VPS54: variants seen among roughly 807,000 people sequenced by gnomAD.
VPS54 encodes vacuolar protein sorting-associated protein 54.
A neutral mutation model predicts 121.5 loss-of-function variants in VPS54; 45 were observed. The ratio of observed to expected loss-of-function variants is 0.37; its 90% CI spans 0.29 to 0.47. The LOEUF (loss-of-function observed/expected upper bound fraction) is 0.47. Among genes scored for constraint, VPS54 ranks in the 20% least tolerant of loss-of-function variants. VPS54 has a pLI of 0.99. For missense variants in VPS54, 1,090 were observed against 1,131.4 expected (o/e 0.96, Z 0.52); for synonymous variants, 371 against 385.8 (o/e 0.96, Z 0.45).
rs909970565 is a variant in VPS54 at position 63,956,413 on chromosome 2, G to C, written c.1010+5645C>G. ...AAACAAAACAAAAAAAGGCTTACAA[G>C]TAGAAAACAAGCTAGCTGCAGTAAT... On this transcript the variant is annotated intron_variant, in intron 7 of 22. Coordinates refer to ENST00000272322, the MANE Select transcript of VPS54 (RefSeq NM_016516.3). 2.0e-5 allele frequency among the ~76,000 whole-genome samples: 3 copies of C among 152,234 alleles called. No individual in the cohort carries two copies. The South Asian group carries it at 6.2e-4, about 32-fold the overall frequency.
At chr2:63,993,582 G>A (rs1013912023) in intron 1 of VPS54, among the ~76,000 whole-genome samples, 1 of 152,174 alleles carries the variant, frequency 6.6e-6, no homozygotes, top group Non-Finnish European at 1.5e-5. Flanking sequence ...ACTCGGTGTA[G>A]AATACTTAAA....
At chr2:63,972,102 TAAAG>T (rs977106965) in intron 4 of VPS54, 60 bp downstream of exon 4, 21 of 1,116,802 alleles carry the variant, frequency 1.9e-5, no homozygotes, top group Admixed American at 5.5e-5. Context: ...GGTCCCAAAA[TAAAG>T]ATTTTGTTCA....
intron 20 of VPS54, among the ~76,000 whole-genome samples, chr2:63,905,917 C>G (rs1284038961): frequency 6.6e-6 from 1 of 152,134 alleles, no homozygotes; most frequent in East Asian, 1.9e-4. Flanking sequence ...TTTCTTCAGA[C>G]TAAGAAATGC....
chr2:63,933,811 G>A lies in VPS54; in HGVS notation c.1601C>T (p.Thr534Ile), dbSNP rs1484347894. 3.7e-6 allele frequency: 6 copies of A among 1,613,798 alleles called. No individual in the cohort carries two copies. The African/African-American group carries it at 4.0e-5, about 11-fold the overall frequency. ...TGGAGATGCATTTCTTTGAGAGGTA[G>A]TGTCAACTGCTATAGGTGTTAGCTC... is the stretch of plus-strand genomic sequence containing the variant. Reference protein sequence around the residue: ...EGELTPIAVDTTSQRNASPNS... With the variant: ...EGELTPIAVDITSQRNASPNS... The change falls in exon 12 of 23, where the codon ACT (threonine) becomes ATT (isoleucine). Residue 534 changes from threonine (T) to isoleucine (I), a missense_variant. Physicochemically the swap from Thr to Ile is moderately conservative, Grantham distance 89. Transcript: ENST00000272322.
intron 4 of VPS54, among the ~76,000 whole-genome samples, chr2:63,970,527 T>A (rs779475620): frequency 6.6e-6 from 1 of 152,006 alleles, no homozygotes; most frequent in African/African-American, 2.4e-5. Context: ...CACTCCTTAA[T>A]ATATAGTATT....
At chr2:63,912,726 A>C in intron 18 of VPS54, 65 bp from the exon 19 acceptor site, 4 of 1,513,302 alleles carry the variant, frequency 2.6e-6, no homozygotes, top group Non-Finnish European at 2.6e-6. Flanking sequence ...AGTTGATTTT[A>C]ATTACAAATC....
intron 2 of VPS54, 127 bp from the exon 3 acceptor site, chr2:63,982,014 A>G: frequency 2.0e-6 from 2 of 1,018,656 alleles, no homozygotes; most frequent in Non-Finnish European, 1.3e-6. Context: ...TCCACAGTAA[A>G]TGATTTAATA....
At chr2:63,910,323 C>T (rs1021337244) in intron 20 of VPS54, among the ~76,000 whole-genome samples, 1 of 152,108 alleles carries the variant, frequency 6.6e-6, no homozygotes, top group African/African-American at 2.4e-5. Context: ...TTATAAAAGC[C>T]TGGCCATATT....
At chr2:63,924,114 T>C (rs955004128) in intron 12 of VPS54, among the ~76,000 whole-genome samples, 8 of 152,174 alleles carry the variant, frequency 5.3e-5, no homozygotes, top group Admixed American at 5.2e-4. Flanking sequence ...TGAGCCACAA[T>C]GGAGGTAGGA....
At chr2:63,914,476 G>T (rs924838677) in intron 16 of VPS54, among the ~76,000 whole-genome samples, 189 bp from the exon 17 acceptor site, 14 of 152,150 alleles carry the variant, frequency 9.2e-5, no homozygotes, top group African/African-American at 3.1e-4. Context: ...GACAAGAGAG[G>T]TGTCTAGAAT....
intron 7 of VPS54, among the ~76,000 whole-genome samples, chr2:63,961,785 A>G (rs1007689456): frequency 1.3e-5 from 2 of 152,142 alleles, no homozygotes; most frequent in African/African-American, 4.8e-5. Context: ...ACACTTTCAA[A>G]ATGTTAATGT....
In VPS54 at chr2:63,919,622, A is replaced by G. The variant is rs115073762; in HGVS notation, c.2164+261T>C. 4.9e-3 allele frequency among the ~76,000 whole-genome samples: 742 copies of G among 152,234 alleles called. 10 individuals are homozygous for G. Among genetic ancestry groups the G allele is most frequent in the African/African-American group, 0.017 (689 of 41,580 alleles). On this transcript the variant is annotated intron_variant, in intron 15 of 22. Coordinates refer to ENST00000272322, the MANE Select transcript of VPS54 (RefSeq NM_016516.3). ...TACACAAAGAAACAATAGTACCTGT[A>G]TCACAGATCGTTGTGAGAATGAACT... is the stretch of plus-strand genomic sequence containing the variant.
At chr2:63,894,470 G>A (rs1672355426) in intron 22 of VPS54, among the ~76,000 whole-genome samples, 1 of 152,156 alleles carries the variant, frequency 6.6e-6, no homozygotes, top group African/African-American at 2.4e-5. Context: ...GGGAGGCTGA[G>A]GCAGGAGGAT....
chr2:64,013,249 G>A (rs1431189240), intron 1 of VPS54, among the ~76,000 whole-genome samples: 1 of 152,116 alleles, frequency 6.6e-6, no homozygotes, highest in Non-Finnish European at 1.5e-5. Flanking sequence ...CTGTGTGATG[G>A]TCTCACCAGA....
chr2:63,970,262 TAG>T (rs1265107880), intron 4 of VPS54, among the ~76,000 whole-genome samples: 6 of 136,064 alleles, frequency 4.4e-5, no homozygotes, highest in Admixed American at 2.3e-4. Context: ...TAGATATATA[TAG>T]ATATATATAG....
At chr2:63,930,715 A>G (rs144921762) in intron 12 of VPS54, among the ~76,000 whole-genome samples, 1 of 152,218 alleles carries the variant, frequency 6.6e-6, no homozygotes, top group Non-Finnish European at 1.5e-5. Flanking sequence ...GAAAAGAGGA[A>G]GTCAAATTGT....
chr2:64,010,991 C>T (rs1036202952), intron 1 of VPS54, among the ~76,000 whole-genome samples: 9 of 152,168 alleles, frequency 5.9e-5, no homozygotes, highest in East Asian at 5.8e-4. Context: ...TGAATGCATG[C>T]GCTTCCTAAA....
intron 5 of VPS54, among the ~76,000 whole-genome samples, chr2:63,968,130 C>A (rs1249793061): frequency 6.6e-6 from 1 of 151,272 alleles, no homozygotes; most frequent in Admixed American, 6.6e-5. Flanking sequence ...TCTTTCTTAC[C>A]CTAAAGAACA....
intron 11 of VPS54, among the ~76,000 whole-genome samples, chr2:63,940,082 T>C (rs182012831): frequency 2.6e-5 from 4 of 152,234 alleles, no homozygotes; most frequent in Non-Finnish European, 5.9e-5. Context: ...TAACTGAATA[T>C]CATAATGTAT....
Sources: allele counts gnomAD v4.1 joint callset (sites outside exome capture counted in the v4.1 genomes callset), GRCh38; gene constraint gnomAD v4.1.1; transcripts MANE v1.5; gene names NCBI Gene and HGNC (gene_info 2026-07-23, HGNC 2026-07-21).